GRM5: variants seen among roughly 807,000 people sequenced by gnomAD.
GRM5 encodes the protein glutamate metabotropic receptor 5.
In GRM5, 19 loss-of-function variants were observed where a neutral mutation model predicts 83.1. The ratio of observed to expected loss-of-function variants is 0.23; its 90% confidence interval spans 0.16 to 0.34. The LOEUF is 0.34. GRM5 is among the 10% of genes least tolerant of loss of function. The pLI is 1.00. For synonymous variants in GRM5, 675 were observed against 633.6 expected (o/e 1.07, Z -0.98); for missense variants, 1,160 against 1,588.3 (o/e 0.73, Z 4.58).
At chr11:88,725,214 A>G (rs923452846) in intron 3 of GRM5, among the ~76,000 whole-genome samples, 1 of 152,104 alleles carries the variant, frequency 6.6e-6, no homozygotes, top group Non-Finnish European at 1.5e-5. Flanking sequence ...GGTGTCCACC[A>G]TTATCAAGGC....
chr11:88,803,102 CAT>C (rs1444790598), intron 3 of GRM5, among the ~76,000 whole-genome samples: 1 of 145,884 alleles, frequency 6.9e-6, no homozygotes, highest in Non-Finnish European at 1.5e-5. Context: ...TGAAAATGGC[CAT>C]ACTGCCCAAG....
intron 2 of GRM5, among the ~76,000 whole-genome samples, chr11:88,959,042 G>A (rs1002674722): frequency 6.2e-4 from 94 of 151,976 alleles, no homozygotes; most frequent in African/African-American, 2.2e-3. Flanking sequence ...CAGAAAATTC[G>A]ATCATATATT....
At chr11:88,788,206 A>T (rs555992763) in intron 3 of GRM5, among the ~76,000 whole-genome samples, 1 of 152,308 alleles carries the variant, frequency 6.6e-6, no homozygotes, top group South Asian at 2.1e-4. Flanking sequence ...AACTTTTCAA[A>T]AATATTTTAC....
At chr11:89,023,447 T>C (rs575386101) in intron 2 of GRM5, among the ~76,000 whole-genome samples, 4 of 152,236 alleles carry the variant, frequency 2.6e-5, no homozygotes, top group Non-Finnish European at 4.4e-5. Context: ...CTCAGAGTAA[T>C]ACAGAGTAGA....
At chr11:89,030,976 T>C (rs1941248178) in intron 2 of GRM5, among the ~76,000 whole-genome samples, 1 of 152,108 alleles carries the variant, frequency 6.6e-6, no homozygotes, top group African/African-American at 2.4e-5. Context: ...GAAATAAAAA[T>C]TACTTGTAGA....
intron 3 of GRM5, among the ~76,000 whole-genome samples, chr11:88,805,662 C>T (rs1173924779): frequency 1.3e-5 from 2 of 152,088 alleles, no homozygotes; most frequent in East Asian, 3.8e-4. Context: ...TCTAATCAAG[C>T]ATTCTTTTAA....
chr11:88,807,610 TC>T (rs1030981608), intron 3 of GRM5, among the ~76,000 whole-genome samples: 3 of 152,080 alleles, frequency 2.0e-5, no homozygotes, highest in South Asian at 4.1e-4. Context: ...TGGTATGCCA[TC>T]TTTTTGAGAA....
intron 2 of GRM5, among the ~76,000 whole-genome samples, chr11:88,903,546 C>A (rs1945352566): frequency 6.6e-6 from 1 of 152,226 alleles, no homozygotes; most frequent in Non-Finnish European, 1.5e-5. Flanking sequence ...CATATATACA[C>A]AATGGAATAC....
intron 2 of GRM5, among the ~76,000 whole-genome samples, chr11:88,977,586 T>C (rs916101198): frequency 2.0e-5 from 3 of 152,256 alleles, no homozygotes; most frequent in Non-Finnish European, 4.4e-5. Flanking sequence ...ATCTACTTGC[T>C]ATCAGCTATG....
intron 2 of GRM5, among the ~76,000 whole-genome samples, chr11:88,865,214 A>T (rs1408011419): frequency 6.6e-6 from 1 of 152,200 alleles, no homozygotes; most frequent in Non-Finnish European, 1.5e-5. Context: ...ACAAATATAT[A>T]TAGACCAATG....
chr11:88,606,727 A>G (rs955800095), intron 4 of GRM5, among the ~76,000 whole-genome samples: 1 of 152,182 alleles, frequency 6.6e-6, no homozygotes, highest in Non-Finnish European at 1.5e-5. Context: ...CAGTGATCCC[A>G]ATGACAGAAG....
chr11:89,015,375 G>C (rs543949881), intron 2 of GRM5, among the ~76,000 whole-genome samples: 2 of 152,280 alleles, frequency 1.3e-5, no homozygotes, highest in African/African-American at 2.4e-5. Context: ...GGCACTCGCA[G>C]GGTATCTGTT....
At chr11:88,889,493 C>T (rs1157193042) in intron 2 of GRM5, among the ~76,000 whole-genome samples, 1 of 152,118 alleles carries the variant, frequency 6.6e-6, no homozygotes, top group Non-Finnish European at 1.5e-5. Context: ...ATAATTAAGG[C>T]TTGTTGGTTT....
chr11:88,640,350 G>A (rs547637318), intron 4 of GRM5, among the ~76,000 whole-genome samples: 1 of 152,222 alleles, frequency 6.6e-6, no homozygotes, highest in East Asian at 1.9e-4. Flanking sequence ...ATAATAATGT[G>A]AGTTCAGAGT....
intron 4 of GRM5, among the ~76,000 whole-genome samples, chr11:88,645,820 G>C (rs1939427774): frequency 6.6e-6 from 1 of 151,920 alleles, no homozygotes; most frequent in East Asian, 1.9e-4. Context: ...TGAAAAGGAG[G>C]GAACAGAAGT....
intron 2 of GRM5, among the ~76,000 whole-genome samples, chr11:88,908,023 G>T (rs1050413910): frequency 6.6e-5 from 10 of 152,058 alleles, no homozygotes; most frequent in African/African-American, 2.4e-4. Context: ...GGAGAAAGTG[G>T]TTATAAAACA....
Position 89,006,534 on chromosome 11 carries a change from C to T in GRM5, c.661+40678G>A, listed in dbSNP as rs553324048. On this transcript the variant is annotated intron_variant, in intron 2 of 9. Coordinates refer to ENST00000305447, the MANE Select transcript of GRM5 (RefSeq NM_001143831.3). ...CCCACTTAAAAGCCCCCAATGACTT[C>T]CCATTGCTCCTAAAACCAAATTATT... 7.9e-5 allele frequency among the ~76,000 whole-genome samples: 12 copies of T among 152,222 alleles called. No individual in the cohort carries two copies. In the East Asian group the frequency reaches 1.9e-3, roughly 24 times the overall value.
intron 3 of GRM5, among the ~76,000 whole-genome samples, chr11:88,686,468 CT>C (rs1456897819): frequency 6.6e-6 from 1 of 152,018 alleles, no homozygotes; most frequent in African/African-American, 2.4e-5. Flanking sequence ...TGAATTAAGA[CT>C]TTAGGGGACT....
intron 2 of GRM5, among the ~76,000 whole-genome samples, chr11:89,035,340 G>A (rs1040892154): frequency 5.9e-5 from 9 of 151,706 alleles, no homozygotes; most frequent in African/African-American, 2.2e-4. Flanking sequence ...CTTCTCAAAG[G>A]ATAAAATGCT....
Sources: allele counts gnomAD v4.1 joint callset (sites outside exome capture counted in the v4.1 genomes callset), GRCh38; gene constraint gnomAD v4.1.1; transcripts MANE v1.5; gene names NCBI Gene and HGNC (gene_info 2026-07-23, HGNC 2026-07-21).